The following GFM1 variants were observed in gnomAD, a reference collection of about 807,000 sequenced individuals.
The protein encoded by GFM1 is G elongation factor mitochondrial 1.
GFM1 carries 62 observed loss-of-function variants against 96.2 expected under a neutral mutation model. The observed-to-expected ratio is 0.64, with a 90% CI of 0.53 to 0.80. The LOEUF (loss-of-function observed/expected upper bound fraction) is 0.80, where lower values mean the gene tolerates loss of function less well. Ranked by LOEUF, GFM1 falls within the 30% of genes least tolerant of loss-of-function variation. The probability of loss-of-function intolerance (pLI) is 0.00; values close to 1 mark genes in which losing one functional copy is unlikely to be tolerated. For missense variants in GFM1, 852 were observed against 916.6 expected, an observed-to-expected ratio of 0.93 and a Z score of 0.91; for synonymous variants, 282 against 312.9, an observed-to-expected ratio of 0.90 and a Z score of 1.04.
chr3:158,655,352 C>T (rs913086537), intron 8 of GFM1, among the ~76,000 whole-genome samples: 6 of 151,926 alleles, frequency 3.9e-5, no homozygotes, highest in African/African-American at 9.7e-5. Context: ...AGTATGGTGG[C>T]GGACACCTGT....
In GFM1 at chr3:158,646,964, T is replaced by C; in HGVS notation, c.572+17T>C. The C allele has an allele frequency of 6.3e-7, 1 of 1,596,372 alleles. No individual in the cohort carries two copies. The highest frequency in any genetic ancestry group is 8.6e-7 in the Non-Finnish European group (1 of 1,163,842). On this transcript the variant is annotated intron_variant, in intron 4 of 17. Transcript: ENST00000486715. ...GCAAATGAGGTAATGAGCCTTAGAA[T>C]AAACAAAGAGGATGTGATGATCTAG...
In GFM1 at chr3:158,669,518, A is replaced by G. The variant is rs148681501; in HGVS notation, c.1601+3132A>G. ...TGTCTTCTTCATCTGGATTCTTTCC[A>G]GTTTCTCCTTCAAATGTGAAGTTGA... On this transcript the variant is annotated intron_variant, in intron 13 of 17. Transcript: ENST00000486715. 99 of 1,613,976 alleles carry G rather than the reference A, an allele frequency of 6.1e-5. No individual in the cohort carries two copies. In the African/African-American group the frequency reaches 1.3e-3, roughly 20 times the overall value.
At chr3:158,662,792 C>T in intron 11 of GFM1, 108 bp downstream of exon 11, 2 of 755,290 alleles carry the variant, frequency 2.6e-6, no homozygotes, top group Non-Finnish European at 4.8e-6. Flanking sequence ...GTCTTATGGT[C>T]TCTATTTCCT....
At chr3:158,656,612 A>C (rs1207894872) in intron 8 of GFM1, 1 of 152,130 alleles carries the variant, frequency 6.6e-6, no homozygotes, top group East Asian at 1.9e-4. Flanking sequence ...TGAGGGGGGA[A>C]TTATGTTCCA....
intron 13 of GFM1, chr3:158,672,769 A>G (rs994636718): frequency 3.1e-6 from 1 of 326,054 alleles, no homozygotes; most frequent in South Asian, 3.3e-5. Flanking sequence ...AGAGGCCAGC[A>G]TGCTTGTCAG....
intron 13 of GFM1, among the ~76,000 whole-genome samples, chr3:158,678,832 A>G (rs1259559468): frequency 1.3e-5 from 2 of 152,242 alleles, no homozygotes; most frequent in African/African-American, 4.8e-5. Context: ...GTCTTGTGAA[A>G]GGGAAAGTCA....
Position 158,654,575 on chromosome 3 carries a change from A to G in GFM1, c.1027A>G (p.Met343Val). The change falls in exon 8 of 18, where the codon ATG (methionine) becomes GTG (valine). Residue 343 changes from methionine (M) to valine (V), a missense_variant. Coordinates refer to ENST00000486715, the MANE Select transcript of GFM1 (RefSeq NM_024996.7). ...CTCAAAAGAGAAAACCAAAATCCTA[A>G]TGAACTCCAGTAGAGACAATTCCCA... ...DDSKEKTKIL[M>V]NSSRDNSHPF... is the part of the protein sequence containing the mutation. The G allele has an allele frequency of 6.2e-7, 1 of 1,612,442 alleles. No individual in the cohort carries two copies. The highest frequency in any genetic ancestry group is 8.5e-7 in the Non-Finnish European group (1 of 1,178,638).
rs1242847191 is a variant in GFM1, at chr3:158,693,197, C to T, written c.*1730C>T. The T allele has an allele frequency of 1.3e-5, 2 of 152,158 alleles. No individual in the cohort carries two copies. Among genetic ancestry groups the T allele is most frequent in the Non-Finnish European group, 2.9e-5 (2 of 68,006 alleles). The allele number at this position is 152,158 out of a possible 1,614,324, so 9.4% of individuals were successfully genotyped here. ...CCATGAATGTCTGTTGCTACAGTAG[C>T]ATCAGGTCTGAAAAAATGTGGTTGC... On this transcript the variant is annotated 3_prime_UTR_variant, in exon 18 of 18. Coordinates refer to ENST00000486715, the MANE Select transcript of GFM1 (RefSeq NM_024996.7).
At chr3:158,646,606 T>G (rs1459335172) in intron 3 of GFM1, 137 bp from the exon 4 acceptor site, 12 of 829,512 alleles carry the variant, frequency 1.4e-5, no homozygotes, top group Non-Finnish European at 2.2e-5. Context: ...GGTTGGTGAA[T>G]AGTATTGGTG....
At position 158,652,081 on chromosome 3, in the gene GFM1, T is replaced by C; in HGVS notation, c.690-15T>C. 1 of 1,613,022 alleles carries C rather than the reference T, an allele frequency of 6.2e-7. No individual in the cohort carries two copies. Among genetic ancestry groups the C allele is most frequent in the Non-Finnish European group, 8.5e-7 (1 of 1,178,970 alleles). On this transcript the variant is annotated splice_polypyrimidine_tract_variant and intron_variant, in intron 5 of 17. Transcript: ENST00000486715. ...GTTGAATATCCTTAAAGCACCAAAA[T>C]ATTTGCTTTCTTAGTCAGATTGTTC...
At position 158,644,534 on chromosome 3, in the gene GFM1, C is replaced by G. The variant is rs1721570392; in HGVS notation, c.-101C>G. 5.4e-6 allele frequency: 5 copies of G among 925,874 alleles called. No individual in the cohort carries two copies. Among genetic ancestry groups the G allele is most frequent in the Admixed American group, 4.2e-5 (2 of 48,058 alleles). 57.4% of individuals were successfully genotyped at this position (925,874 alleles called of 1,614,324 possible). On this transcript the variant is annotated 5_prime_UTR_variant, in exon 1 of 18. Coordinates refer to ENST00000486715, the MANE Select transcript of GFM1 (RefSeq NM_024996.7). ...GTCCTTTGCCCCGGAAGTGCTCTTA[C>G]AACATTGGCTGCCGGCGTGACTTTG...
intron 8 of GFM1, chr3:158,655,926 T>C (rs1429691017): frequency 4.4e-6 from 2 of 457,088 alleles, no homozygotes; most frequent in Non-Finnish European, 4.4e-6. Context: ...AATAGTTTCT[T>C]AGACTTTCCT....
Position 158,649,281 on chromosome 3 carries a change from G to A in GFM1, c.689+124G>A, listed in dbSNP as rs1031847452. On this transcript the variant is annotated intron_variant, in intron 5 of 17. Transcript: ENST00000486715. ...AAATGCGACTGCAAGAATACTCTGA[G>A]ATGGTTTTGTTTTAATACCTTTAAT... 9.8e-6 allele frequency: 6 copies of A among 612,948 alleles called. No homozygotes were observed. In the African/African-American group the frequency reaches 1.1e-4, roughly 12 times the overall value. 38.0% of individuals were successfully genotyped at this position (612,948 alleles called of 1,614,324 possible).
intron 5 of GFM1, 150 bp from the exon 6 acceptor site, chr3:158,651,946 T>C: frequency 3.0e-6 from 2 of 674,844 alleles, no homozygotes; most frequent in Non-Finnish European, 5.2e-6. Flanking sequence ...TTTAAAGGTA[T>C]ACATTAGTCT....
intron 17 of GFM1, 70 bp downstream of exon 17, chr3:158,691,262 T>C (rs182669326): frequency 3.2e-5 from 51 of 1,606,420 alleles, no homozygotes; most frequent in Non-Finnish European, 3.9e-5. Flanking sequence ...ATCTTGACCT[T>C]GTATGACTTT....
In GFM1 at chr3:158,682,097, A is replaced by G. The variant is rs756847811; in HGVS notation, c.1704A>G (p.Glu568=). The G allele has an allele frequency of 2.0e-5, 32 of 1,613,702 alleles. No homozygotes were observed. The highest frequency in any genetic ancestry group is 2.5e-5 in the Non-Finnish European group (30 of 1,179,858). The stretch of plus-strand genomic sequence containing the variant: ...ACCCAGAGGACTACACTAAATTGGA[A>G]TTTTCAGATGAAACATTCGGATCAA... The part of the protein sequence containing the change: ...PLDPEDYTKL[E]FSDETFGSNI... Residue 568 remains glutamate, a synonymous_variant, in exon 14 of 18, where the codon GAA becomes GAG. Coordinates refer to ENST00000486715, the MANE Select transcript of GFM1 (RefSeq NM_024996.7).
At chr3:158,657,154 T>C (rs1722830860) in intron 8 of GFM1, 1 of 152,174 alleles carries the variant, frequency 6.6e-6, no homozygotes, top group Non-Finnish European at 1.5e-5. Context: ...TGGGGGCTTT[T>C]TCTTACTTTA....
At chr3:158,682,314 C>T (rs1725467558) in intron 14 of GFM1, 157 bp downstream of exon 14, 3 of 644,372 alleles carry the variant, frequency 4.7e-6, no homozygotes, top group Non-Finnish European at 8.3e-6. Context: ...GATTTAGAAT[C>T]TCTAATTCAT....
chr3:158,684,782 A>G (rs1208409047), intron 15 of GFM1, 114 bp downstream of exon 15: 2 of 1,085,554 alleles, frequency 1.8e-6, no homozygotes, highest in Non-Finnish European at 2.8e-6. Context: ...TCCACAGGGA[A>G]TATTGTAGGT....
Sources: allele counts gnomAD v4.1 joint callset (sites outside exome capture counted in the v4.1 genomes callset), GRCh38; gene constraint gnomAD v4.1.1; transcripts MANE v1.5; gene names NCBI Gene and HGNC (gene_info 2026-07-23, HGNC 2026-07-21).